The following SLC14A2 variants were observed in gnomAD, a reference collection of about 807,000 sequenced individuals.
The protein encoded by SLC14A2 is solute carrier family 14 member 2.
Under a neutral mutation model 104.6 loss-of-function variants are expected in SLC14A2, and 91 were observed. The observed-to-expected ratio is 0.87, with a 90% CI of 0.73 to 1.04. The LOEUF (loss-of-function observed/expected upper bound fraction) is 1.04. Among genes scored for constraint, SLC14A2 ranks in the 50% least tolerant of loss-of-function variants. The probability of loss-of-function intolerance (pLI) is 0.00; values close to 1 mark genes in which losing one functional copy is unlikely to be tolerated. For synonymous variants in SLC14A2, 476 were observed against 466.4 expected, an observed-to-expected ratio of 1.02 and a Z score of -0.27; for missense variants, 1,189 against 1,156.0, an observed-to-expected ratio of 1.03 and a Z score of -0.41.
intron 1 of SLC14A2, among the ~76,000 whole-genome samples, chr18:45,397,484 T>C (rs750358490): frequency 2.7e-4 from 41 of 152,370 alleles, no homozygotes; most frequent in Non-Finnish European, 5.6e-4. Flanking sequence ...TGTCTGTTCA[T>C]GTCCTTTGCC....
intron 10 of SLC14A2, chr18:45,646,298 G>A (rs1418996011): frequency 1.3e-5 from 2 of 152,208 alleles, no homozygotes; most frequent in African/African-American, 4.8e-5. Flanking sequence ...AACGTTTGAA[G>A]GGAGTGTGAA....
At chr18:45,458,103 T>C (rs1043906936) in intron 1 of SLC14A2, among the ~76,000 whole-genome samples, 4 of 152,216 alleles carry the variant, frequency 2.6e-5, no homozygotes, top group African/African-American at 9.7e-5. Context: ...ATTTCAGGCC[T>C]CATCCCTGAA....
In SLC14A2 at chr18:45,496,131, ATAG is replaced by A. The variant is rs549483517; in HGVS notation, c.-35+12813_-35+12815del. ...ATTACCAAGGGCAACTTGATCCCTA[ATAG>A]TAGCGGCAAATGTGAACAAACTCAA... On this transcript the variant is annotated intron_variant, in intron 2 of 20. Transcript: ENST00000586448. Among the ~76,000 whole-genome samples the A allele has an allele frequency of 6.4e-3, 979 of 152,356 alleles. 9 individuals carry two copies. The highest frequency in any genetic ancestry group is 0.011 in the Non-Finnish European group (778 of 68,036).
intron 7 of SLC14A2, 74 bp from the exon 8 acceptor site, chr18:45,641,135 C>A (rs2045520669): frequency 1.3e-6 from 2 of 1,536,700 alleles, no homozygotes; most frequent in African/African-American, 2.7e-5. Context: ...CACTCTGAGA[C>A]CTGGCACCAG....
chr18:45,172,357 G>A, the SLC14A2 span, among the ~76,000 whole-genome samples: 2 of 152,208 alleles, frequency 1.3e-5, no homozygotes, highest in East Asian at 3.9e-4. Context: ...AAATACTGAA[G>A]AGGCTAAAAT....
intron 1 of SLC14A2, among the ~76,000 whole-genome samples, chr18:45,374,613 C>T (rs900304402): frequency 6.6e-6 from 1 of 151,324 alleles, no homozygotes; most frequent in African/African-American, 2.4e-5. Context: ...GTTTACTGTG[C>T]TATTAGAGGC....
At chr18:45,414,245 C>T (rs954904274) in intron 1 of SLC14A2, among the ~76,000 whole-genome samples, 4 of 152,204 alleles carry the variant, frequency 2.6e-5, no homozygotes, top group Admixed American at 2.6e-4. Flanking sequence ...AAGCCTGGCA[C>T]TCAACATGCA....
chr18:45,682,735 G>T lies in SLC14A2; in HGVS notation c.*216G>T. 1 of 522,510 alleles carries T rather than the reference G, an allele frequency of 1.9e-6. No homozygotes were observed. The highest frequency in any genetic ancestry group is 2.2e-5 in the South Asian group (1 of 46,452). 32.4% of individuals were successfully genotyped at this position (522,510 alleles called of 1,614,324 possible). ...GTTTAGTTTAGACTTTATACCCTTA[G>T]CTTTCCCATAAGAGCTCCCTTTGTG... On this transcript the variant is annotated 3_prime_UTR_variant, in exon 20 of 20. Transcript: ENST00000255226.
At chr18:45,268,310 A>G (rs775477145) in intron 1 of SLC14A2, among the ~76,000 whole-genome samples, 1 of 152,356 alleles carries the variant, frequency 6.6e-6, no homozygotes, top group Admixed American at 6.5e-5. Flanking sequence ...TCCTCAAACT[A>G]TAGGAGAAGT....
Position 45,244,509 on chromosome 18 carries a change from C to G in SLC14A2, c.-125+31318C>G, listed in dbSNP as rs189575187. On this transcript the variant is annotated intron_variant, in intron 1 of 20. Transcript: ENST00000586448. ...GGGCGTGGTGGCACACCCTGTAATC[C>G]CAGTTACTTGGGAGGCTGAGGCAGG... Among the ~76,000 whole-genome samples the G allele has an allele frequency of 2.1e-3, 320 of 152,132 alleles. 2 individuals carry two copies. The highest frequency in any genetic ancestry group is 7.4e-3 in the African/African-American group (305 of 41,486).
At chr18:45,532,728 C>T (rs1164640095) in intron 2 of SLC14A2, among the ~76,000 whole-genome samples, 1 of 152,096 alleles carries the variant, frequency 6.6e-6, no homozygotes, top group Non-Finnish European at 1.5e-5. Flanking sequence ...GAACTTCCAA[C>T]ACTATGTTGA....
At chr18:45,617,330 C>T (rs183841205) in intron 1 of SLC14A2, among the ~76,000 whole-genome samples, 157 of 152,120 alleles carry the variant, frequency 1.0e-3, no homozygotes, top group African/African-American at 3.4e-3. Context: ...GCAGCAGAAA[C>T]CAGAAAGATA....
At chr18:45,239,827 A>G (rs1219176742) in intron 1 of SLC14A2, among the ~76,000 whole-genome samples, 1 of 152,214 alleles carries the variant, frequency 6.6e-6, no homozygotes, top group Admixed American at 6.5e-5. Context: ...TTACCCTGCC[A>G]GGTACTAACC....
chr18:45,594,937 G>A (rs1024027516), intron 2 of SLC14A2, among the ~76,000 whole-genome samples: 5 of 151,840 alleles, frequency 3.3e-5, no homozygotes, highest in Admixed American at 6.6e-5. Flanking sequence ...CTTCCCCACC[G>A]ACCCCCAACC....
chr18:45,630,383 C>T (rs947339474), intron 4 of SLC14A2, among the ~76,000 whole-genome samples: 25 of 152,260 alleles, frequency 1.6e-4, no homozygotes, highest in Non-Finnish European at 2.4e-4. Flanking sequence ...TAATCACCCC[C>T]GCTGTCCCCA....
chr18:45,169,165 T>C, the SLC14A2 span: 1 of 152,172 alleles, frequency 6.6e-6, no homozygotes, highest in Non-Finnish European at 1.5e-5. Flanking sequence ...GGGAAAAAAT[T>C]GGAAAGAAAA....
At chr18:45,451,398 G>A (rs1217741368) in intron 1 of SLC14A2, among the ~76,000 whole-genome samples, 2 of 152,118 alleles carry the variant, frequency 1.3e-5, no homozygotes, top group African/African-American at 4.8e-5. Context: ...AAGTGCCATA[G>A]TGAAGACTAA....
At chr18:45,341,373 G>T (rs2085391988) in intron 1 of SLC14A2, among the ~76,000 whole-genome samples, 1 of 152,158 alleles carries the variant, frequency 6.6e-6, no homozygotes, top group Non-Finnish European at 1.5e-5. Context: ...CTCATTTGCA[G>T]TCATGCACAG....
chr18:45,611,272 C>G (rs1372515125), upstream of SLC14A2, among the ~76,000 whole-genome samples: 3 of 152,222 alleles, frequency 2.0e-5, no homozygotes, highest in East Asian at 5.8e-4. Context: ...TGGTATCTGT[C>G]CCGATTTCTA....
Sources: allele counts gnomAD v4.1 joint callset (sites outside exome capture counted in the v4.1 genomes callset), GRCh38; gene constraint gnomAD v4.1.1; transcripts MANE v1.5; gene names NCBI Gene and HGNC (gene_info 2026-07-23, HGNC 2026-07-21).